Variants in TENM3 observed in about 807,000 individuals in gnomAD.
TENM3 encodes teneurin transmembrane protein 3.
Under a neutral mutation model 255.1 loss-of-function variants are expected in TENM3, and 63 were observed. The ratio of observed to expected loss-of-function variants is 0.25; its 90% CI spans 0.20 to 0.30. TENM3 has a LOEUF of 0.30. TENM3 is among the 10% of genes least tolerant of loss of function. The pLI is 1.00. For synonymous variants in TENM3, 1,306 were observed against 1,322.3 expected (o/e 0.99, Z 0.27); for missense variants, 2,929 against 3,461.1 (o/e 0.85, Z 3.86).
chr4:181,896,401 A>C, the TENM3 span, among the ~76,000 whole-genome samples: 1 of 152,188 alleles, frequency 6.6e-6, no homozygotes, highest in African/African-American at 2.4e-5. Flanking sequence ...ATTCTGAGAT[A>C]CCATACAAAG....
chr4:182,184,976 A>G (rs933238604), intron 1 of TENM3, among the ~76,000 whole-genome samples: 2 of 152,022 alleles, frequency 1.3e-5, no homozygotes, highest in Non-Finnish European at 2.9e-5. Context: ...CTAGTAACTC[A>G]GGAGGCTGAG....
the TENM3 span, among the ~76,000 whole-genome samples, chr4:181,768,103 T>C: frequency 6.6e-6 from 1 of 152,244 alleles, no homozygotes; most frequent in African/African-American, 2.4e-5. Context: ...CTAGTCAATC[T>C]GAAAAGTATT....
intron 1 of TENM3, among the ~76,000 whole-genome samples, chr4:182,253,501 A>G (rs1758177850): frequency 6.6e-6 from 1 of 152,182 alleles, no homozygotes; most frequent in Non-Finnish European, 1.5e-5. Flanking sequence ...AGATTTATAC[A>G]AAGAAATTTA....
In TENM3 at chr4:182,754,269, A is replaced by G. The variant is rs1762565415; in HGVS notation, c.4018-116A>G. ...TACTGAGGCTATTGAAAAAACTATT[A>G]TCAGACAGTTTATCTCAGATTAATG... On this transcript the variant is annotated intron_variant, in intron 21 of 27. Coordinates refer to ENST00000511685, the MANE Select transcript of TENM3 (RefSeq NM_001080477.4). This position sits in a 1 kb window ranked among gnomAD's most constrained non-coding sequence, Gnocchi z 5.1. 1 of 1,096,228 alleles carries G rather than the reference A, an allele frequency of 9.1e-7. No homozygotes were observed. 67.9% of individuals were successfully genotyped at this position (1,096,228 alleles called of 1,614,324 possible).
At chr4:181,835,310 C>T in the TENM3 span, among the ~76,000 whole-genome samples, 1 of 152,174 alleles carries the variant, frequency 6.6e-6, no homozygotes, top group Non-Finnish European at 1.5e-5. Context: ...CATTCATATA[C>T]CCTATTGATA....
chr4:182,655,168 T>C (rs753371642), intron 6 of TENM3, among the ~76,000 whole-genome samples: 10 of 152,192 alleles, frequency 6.6e-5, no homozygotes, highest in Non-Finnish European at 1.3e-4. Flanking sequence ...AATGAGTAAC[T>C]ATACAGAAAT....
chr4:181,979,109 TATATATATATA>T, the TENM3 span, among the ~76,000 whole-genome samples: 1 of 36,458 alleles, frequency 2.7e-5, no homozygotes, highest in Middle Eastern at 0.013. Flanking sequence ...TATATATATA[TATATATATATA>T]TATATATATA....
At chr4:182,158,757 A>G (rs1365979334) in intron 1 of TENM3, among the ~76,000 whole-genome samples, 1 of 151,948 alleles carries the variant, frequency 6.6e-6, no homozygotes, top group Non-Finnish European at 1.5e-5. Context: ...TAATACACCT[A>G]TTGTTTGGAG....
intron 1 of TENM3, among the ~76,000 whole-genome samples, chr4:182,306,089 C>A (rs1193079945): frequency 6.6e-6 from 1 of 152,178 alleles, no homozygotes; most frequent in Non-Finnish European, 1.5e-5. Context: ...GGAAGTTACA[C>A]AAACCTGTAC....
chr4:181,989,225 G>T, the TENM3 span, among the ~76,000 whole-genome samples: 4 of 151,956 alleles, frequency 2.6e-5, no homozygotes, highest in African/African-American at 9.7e-5. Context: ...GAAAAGCAAC[G>T]GTCCAGAAAC....
intron 3 of TENM3, chr4:182,349,855 T>A: frequency 2.6e-6 from 1 of 384,486 alleles, no homozygotes; most frequent in Admixed American, 3.3e-5. Flanking sequence ...AGATGTGTTC[T>A]TGGAAGTTCT....
chr4:182,064,321 G>A, the TENM3 span, among the ~76,000 whole-genome samples: 2 of 152,268 alleles, frequency 1.3e-5, no homozygotes, highest in South Asian at 2.1e-4. Context: ...GCTCACGCCT[G>A]TAATCCCAGC....
At chr4:182,539,271 G>A (rs564606885) in intron 3 of TENM3, among the ~76,000 whole-genome samples, 1 of 151,728 alleles carries the variant, frequency 6.6e-6, no homozygotes, top group African/African-American at 2.4e-5. Context: ...CTAATCAGTG[G>A]TGTAGAAAAC....
chr4:182,445,041 T>C (rs1255032022), intron 3 of TENM3, among the ~76,000 whole-genome samples: 1 of 152,170 alleles, frequency 6.6e-6, no homozygotes, highest in Non-Finnish European at 1.5e-5. Flanking sequence ...ACTCCTGACC[T>C]CAGGTGATCC....
chr4:181,466,429 T>G, the TENM3 span, among the ~76,000 whole-genome samples: 1 of 152,082 alleles, frequency 6.6e-6, no homozygotes, highest in Non-Finnish European at 1.5e-5. Flanking sequence ...AATTTAAGGG[T>G]GATGTTGTCC....
chr4:182,597,152 C>CA (rs1747326293), intron 3 of TENM3, among the ~76,000 whole-genome samples: 1 of 152,200 alleles, frequency 6.6e-6, no homozygotes, highest in Non-Finnish European at 1.5e-5. Context: ...CCTGCAGTCT[C>CA]AGTACTTTGG....
the TENM3 span, among the ~76,000 whole-genome samples, chr4:182,053,313 C>T: frequency 4.6e-5 from 7 of 152,158 alleles, no homozygotes; most frequent in African/African-American, 1.4e-4. Context: ...CAGCACAGTG[C>T]TTAGCGTTTA....
chr4:182,480,750 A>G (rs2151511070), intron 3 of TENM3, among the ~76,000 whole-genome samples: 1 of 152,076 alleles, frequency 6.6e-6, no homozygotes, highest in African/African-American at 2.4e-5. Context: ...AAATTTTCTT[A>G]GGCTTCTTGT....
At chr4:182,347,030 A>G in intron 3 of TENM3, 101 bp downstream of exon 3, 1 of 992,530 alleles carries the variant, frequency 1.0e-6, no homozygotes, top group South Asian at 1.8e-5. Flanking sequence ...CCTTCCTCTC[A>G]TCCTTCTTTC....
Sources: gnomAD v4.1 joint callset for allele counts (sites outside exome capture counted in the v4.1 genomes callset) on GRCh38, gnomAD v4.1.1 for gene constraint, Gnocchi (gnomAD v3.1) non-coding constraint, MANE v1.5 for transcripts, NCBI Gene and HGNC (gene_info 2026-07-23, HGNC 2026-07-21) for gene names.